CSF1: variants seen among roughly 807,000 people sequenced by gnomAD.
CSF1 encodes the protein colony stimulating factor 1.
A neutral mutation model predicts 48.9 loss-of-function variants in CSF1; 9 were observed. The observed-to-expected ratio is 0.18, with a 90% confidence interval of 0.11 to 0.32. The LOEUF is 0.32. Among genes scored for constraint, CSF1 ranks in the 10% least tolerant of loss-of-function variants. The probability of loss-of-function intolerance (pLI) is 1.00; values close to 1 mark genes in which losing one functional copy is unlikely to be tolerated. For missense variants in CSF1, 672 were observed against 697.9 expected, an observed-to-expected ratio of 0.96 and a Z score of 0.42; for synonymous variants, 305 against 284.1, an observed-to-expected ratio of 1.07 and a Z score of -0.74.
At chr1:109,917,509 G>T (rs774819465) in intron 4 of CSF1, 46 bp downstream of exon 4, 1 of 1,590,720 alleles carries the variant, frequency 6.3e-7, no homozygotes, top group East Asian at 2.2e-5. Flanking sequence ...GCAGAGGGTG[G>T]CTGTGGAGGC....
Position 109,923,807 on chromosome 1 carries a change from G to A in CSF1, c.1186G>A (p.Asp396Asn). Residue 396 changes from aspartate to asparagine, a missense_variant, in exon 6 of 9, where the codon GAC (aspartate) becomes AAC (asparagine). Transcript: ENST00000329608. ...KTDHPSALLR[D>N]PPEPGSPRIS... Reference sequence around the variant, plus strand: ...AGACCATCCATCTGCCCTGCTCAGAGACCCCCCGGAGCCAGGCTCTCCCAG... The same window carrying A: ...AGACCATCCATCTGCCCTGCTCAGAAACCCCCCGGAGCCAGGCTCTCCCAG... 1 of 1,611,364 alleles carries A rather than the reference G, an allele frequency of 6.2e-7. No homozygotes were observed. Among genetic ancestry groups the A allele is most frequent in the African/African-American group, 1.3e-5 (1 of 74,966 alleles).
rs370213494 is a variant in CSF1 at position 109,921,857 on chromosome 1, G to A, written c.407G>A (p.Arg136Gln). ...CTGATCTCCTTCCAGGCCTGCGTCC[G>A]AACTTTCTATGAGACACCTCTCCAG... ...DYEEHDKACV[R>Q]TFYETPLQLL... Residue 136 changes from arginine to glutamine, a missense_variant, in exon 5 of 9, where the codon CGA becomes CAA. Arg to Gln is a conservative substitution (Grantham distance 43, BLOSUM62 1). Transcript: ENST00000329608. 9.4e-6 allele frequency: 15 copies of A among 1,588,926 alleles called. No individual in the cohort carries two copies. Among genetic ancestry groups the A allele is most frequent in the East Asian group, 4.6e-5 (2 of 43,616 alleles).
chr1:109,924,267 G>T, intron 6 of CSF1, 77 bp downstream of exon 6: 1 of 1,338,060 alleles, frequency 7.5e-7, no homozygotes, highest in Non-Finnish European at 1.0e-6. Flanking sequence ...CAGGTGGGGG[G>T]ACAGCTTGGG....
rs558905109 is a variant in CSF1, at chr1:109,925,266, C to T, written c.*13+64C>T. ...CTATACCCTTTTCCAGTCACGTTCACCTGTTGGTGACACCAATTCCCCTGA... is the reference window on the plus strand; with the variant it reads ...CTATACCCTTTTCCAGTCACGTTCATCTGTTGGTGACACCAATTCCCCTGA... On this transcript the variant is annotated intron_variant, in intron 8 of 8. Coordinates refer to ENST00000329608, the MANE Select transcript of CSF1 (RefSeq NM_000757.6). 905 of 1,417,954 alleles carry T rather than the reference C, an allele frequency of 6.4e-4. 1 individual carries two copies. Among genetic ancestry groups the T allele is most frequent in the Non-Finnish European group, 8.6e-4 (863 of 1,002,112 alleles). 87.8% of individuals were successfully genotyped at this position (1,417,954 alleles called of 1,614,324 possible).
At chr1:109,919,268 T>G (rs1647400905) in intron 4 of CSF1, among the ~76,000 whole-genome samples, 1 of 152,206 alleles carries the variant, frequency 6.6e-6, no homozygotes, top group African/African-American at 2.4e-5. Context: ...AGACAGGGTC[T>G]CATTCTGTCA....
intron 2 of CSF1, 137 bp from the exon 3 acceptor site, chr1:109,915,497 T>G: frequency 1.4e-6 from 1 of 703,006 alleles, no homozygotes; most frequent in Non-Finnish European, 2.6e-6. Flanking sequence ...CTTGACTCTG[T>G]CTTTCCACGT....
rs201194758 is a variant in CSF1, at chr1:109,923,685, A to G, written c.1064A>G (p.Lys355Arg). The change falls in exon 6 of 9, where the codon AAG becomes AGG. Residue 355 changes from lysine to arginine, a missense_variant. Around this residue, in one of 3 missense-constraint regions of CSF1, gnomAD observed 591 missense variants for 593.6 expected, o/e 1.00. Transcript: ENST00000329608. ...TCTTCTCCACTCCCTGCATCAGCAA[A>G]GGGCCAACAGCCGGCAGATGTAACT... ...SASSPLPASA[K>R]GQQPADVTGT... 1.9e-6 allele frequency: 3 copies of G among 1,613,634 alleles called. No homozygotes were observed. Among genetic ancestry groups the G allele is most frequent in the East Asian group, 2.2e-5 (1 of 44,866 alleles).
At position 109,923,557 on chromosome 1, in the gene CSF1, C is replaced by T. The variant is rs2101653845; in HGVS notation, c.936C>T (p.Ala312=). 1 of 1,614,146 alleles carries T rather than the reference C, an allele frequency of 6.2e-7. No homozygotes were observed. The highest frequency in any genetic ancestry group is 1.3e-5 in the African/African-American group (1 of 75,032). Residue 312 remains alanine, a synonymous_variant, in exon 6 of 9, where the codon GCC becomes GCT. Transcript: ENST00000329608. ...NWVPEEASGE[A]SEIPVPQGTE... is the part of the protein sequence containing the mutation. ...TCCCAGAAGAAGCCTCTGGAGAGGC[C>T]AGTGAGATTCCCGTACCCCAAGGGA...
At chr1:109,927,894 T>C (rs1317109592) in intron 8 of CSF1, among the ~76,000 whole-genome samples, 1 of 152,268 alleles carries the variant, frequency 6.6e-6, no homozygotes, top group South Asian at 2.1e-4. Context: ...ACTCGCTCAC[T>C]GGGTCCTTCT....
At position 109,923,227 on chromosome 1, in the gene CSF1, G is replaced by T; in HGVS notation, c.606G>T (p.Pro202=). Residue 202 remains proline (P), a synonymous_variant, in exon 6 of 9, where the codon CCG becomes CCT. Transcript: ENST00000329608. ...CCAAAGCCATCCCTAGCAGTGACCCGGCCTCTGTCTCCCCTCATCAGCCCC... is the reference window on the plus strand; with the variant it reads ...CCAAAGCCATCCCTAGCAGTGACCCTGCCTCTGTCTCCCCTCATCAGCCCC... ...LYPKAIPSSD[P]ASVSPHQPLA... is the part of the protein sequence containing the mutation. The T allele has an allele frequency of 6.4e-7, 1 of 1,563,672 alleles. No individual in the cohort carries two copies. The highest frequency in any genetic ancestry group is 8.6e-7 in the Non-Finnish European group (1 of 1,156,822).
chr1:109,917,117 T>A (rs1462811068), intron 3 of CSF1, among the ~76,000 whole-genome samples, 176 bp from the exon 4 acceptor site: 6 of 151,898 alleles, frequency 4.0e-5, no homozygotes, highest in Non-Finnish European at 8.8e-5. Context: ...TGGCGCTAGA[T>A]CCCAAAGAGA....
intron 4 of CSF1, among the ~76,000 whole-genome samples, chr1:109,920,510 G>A (rs909639977): frequency 6.6e-6 from 1 of 152,130 alleles, no homozygotes; most frequent in Non-Finnish European, 1.5e-5. Flanking sequence ...GTAAAGACAA[G>A]GTTTCACCAT....
chr1:109,918,799 T>TGC, intron 4 of CSF1, among the ~76,000 whole-genome samples: 1 of 151,810 alleles, frequency 6.6e-6, no homozygotes, highest in East Asian at 1.9e-4. Flanking sequence ...GGTGTGCGGG[T>TGC]CTTGAGTGTG....
chr1:109,915,830 C>A, intron 3 of CSF1, 134 bp downstream of exon 3: 2 of 762,850 alleles, frequency 2.6e-6, no homozygotes, highest in Non-Finnish European at 2.3e-6. Context: ...CATGGGTGCT[C>A]AACTCTGGGG....
At chr1:109,914,650 G>T (rs1654824258) in intron 2 of CSF1, among the ~76,000 whole-genome samples, 1 of 152,236 alleles carries the variant, frequency 6.6e-6, no homozygotes, top group Admixed American at 6.5e-5. Flanking sequence ...GTTAGTGATT[G>T]CCCAGGAACA....
At chr1:109,918,151 G>C (rs1038918876) in intron 4 of CSF1, among the ~76,000 whole-genome samples, 1 of 152,156 alleles carries the variant, frequency 6.6e-6, no homozygotes, top group Admixed American at 6.5e-5. Flanking sequence ...AGATGAGTAA[G>C]AATTGAAAGC....
intron 4 of CSF1, among the ~76,000 whole-genome samples, 177 bp downstream of exon 4, chr1:109,917,640 C>G (rs1489006238): frequency 6.6e-6 from 1 of 152,228 alleles, no homozygotes; most frequent in African/African-American, 2.4e-5. Flanking sequence ...AGGGATCATG[C>G]TGGGCCCTGA....
intron 4 of CSF1, among the ~76,000 whole-genome samples, chr1:109,921,240 C>T (rs1647522220): frequency 6.6e-6 from 1 of 152,212 alleles, no homozygotes; most frequent in Non-Finnish European, 1.5e-5. Context: ...CCTTGCTAAC[C>T]TCTCTCCATG....
chr1:109,914,165 A>C, intron 1 of CSF1, 94 bp from the exon 2 acceptor site: 1 of 1,333,134 alleles, frequency 7.5e-7, no homozygotes, highest in Non-Finnish European at 1.0e-6. Context: ...GTAGCATTGT[A>C]GATATGAGGC....
Sources: allele counts gnomAD v4.1 joint callset (sites outside exome capture counted in the v4.1 genomes callset), GRCh38; gene constraint gnomAD v4.1.1; regional missense constraint gnomAD v4.1.1; transcripts MANE v1.5; gene names NCBI Gene and HGNC (gene_info 2026-07-23, HGNC 2026-07-21).